Variants in PELI2 observed in about 807,000 individuals in gnomAD.
PELI2 encodes the protein pellino E3 ubiquitin protein ligase family member 2.
Under a neutral mutation model 42.3 loss-of-function variants are expected in PELI2, and 23 were observed. The ratio of observed to expected loss-of-function variants is 0.54; its 90% confidence interval spans 0.39 to 0.77. PELI2 has a LOEUF of 0.77. Ranked by LOEUF, PELI2 falls within the 30% of genes least tolerant of loss-of-function variation. The pLI is 0.00. For synonymous variants in PELI2, 245 were observed against 212.2 expected (o/e 1.15, Z -1.34); for missense variants, 463 against 553.2 (o/e 0.84, Z 1.64).
At chr14:56,237,492 T>G (rs1179005449) in intron 2 of PELI2, among the ~76,000 whole-genome samples, 1 of 152,044 alleles carries the variant, frequency 6.6e-6, no homozygotes, top group East Asian at 1.9e-4. Flanking sequence ...CTCCCCATTG[T>G]TTAATATTCT....
At chr14:56,249,281 C>A (rs1160802914) in intron 2 of PELI2, among the ~76,000 whole-genome samples, 3 of 152,148 alleles carry the variant, frequency 2.0e-5, no homozygotes, top group African/African-American at 7.2e-5. Context: ...GGCCCTGTGC[C>A]CTGGGCATTA....
chr14:56,240,628 A>G (rs1887939785), intron 2 of PELI2, among the ~76,000 whole-genome samples: 2 of 152,110 alleles, frequency 1.3e-5, no homozygotes, highest in South Asian at 2.1e-4. Flanking sequence ...GAGCAAGAGG[A>G]GATCTTTAAG....
chr14:56,221,703 A>G (rs950239456), intron 2 of PELI2, among the ~76,000 whole-genome samples: 3 of 152,248 alleles, frequency 2.0e-5, no homozygotes, highest in Non-Finnish European at 4.4e-5. Context: ...GCTGTCTGAA[A>G]CCATCGGTGA....
intron 2 of PELI2, among the ~76,000 whole-genome samples, chr14:56,191,081 T>C (rs922053962): frequency 4.6e-5 from 7 of 152,174 alleles, no homozygotes. Context: ...TCTGTGGTGT[T>C]CTCTAGTGTG....
chr14:56,152,548 A>G (rs1884402553), intron 1 of PELI2, among the ~76,000 whole-genome samples: 1 of 152,070 alleles, frequency 6.6e-6, no homozygotes, highest in Non-Finnish European at 1.5e-5. Context: ...ACTTACTATA[A>G]TTATTGAAGG....
chr14:56,193,469 T>C (rs938628522), intron 2 of PELI2, among the ~76,000 whole-genome samples: 6 of 152,142 alleles, frequency 3.9e-5, no homozygotes, highest in Non-Finnish European at 8.8e-5. Context: ...ACAGAAGGAA[T>C]AGCAGAGATT....
intron 2 of PELI2, among the ~76,000 whole-genome samples, chr14:56,201,123 A>G (rs1886316708): frequency 8.0e-6 from 1 of 124,846 alleles, no homozygotes; most frequent in Non-Finnish European, 1.9e-5. Flanking sequence ...ATGTGGCTCC[A>G]GATAAATGTT....
chr14:56,233,407 A>T (rs1319256732), intron 2 of PELI2, among the ~76,000 whole-genome samples: 1 of 152,168 alleles, frequency 6.6e-6, no homozygotes, highest in Non-Finnish European at 1.5e-5. Context: ...CAAAACAGAG[A>T]TATAGACCAA....
At chr14:56,265,626 A>G (rs1888873662) in intron 2 of PELI2, among the ~76,000 whole-genome samples, 2 of 152,124 alleles carry the variant, frequency 1.3e-5, no homozygotes, top group African/African-American at 4.8e-5. Context: ...TTAAGAACTT[A>G]CGCCTTTGGA....
intron 4 of PELI2, among the ~76,000 whole-genome samples, chr14:56,289,622 C>T (rs1050033134): frequency 1.3e-5 from 2 of 152,078 alleles, no homozygotes; most frequent in Non-Finnish European, 2.9e-5. Flanking sequence ...CCCCAACCCC[C>T]GCCCCAGCCA....
intron 1 of PELI2, among the ~76,000 whole-genome samples, chr14:56,134,527 T>A (rs544432278): frequency 2.6e-5 from 4 of 152,314 alleles, no homozygotes; most frequent in Admixed American, 2.6e-4. Context: ...TTAGAGAACT[T>A]TGTGCTTATA....
intron 2 of PELI2, among the ~76,000 whole-genome samples, chr14:56,271,137 C>T (rs1889090865): frequency 6.6e-6 from 1 of 152,176 alleles, no homozygotes; most frequent in Non-Finnish European, 1.5e-5. Context: ...CCCTCTAGTC[C>T]TCACCCTGCT....
chr14:56,228,861 G>A lies in PELI2; in HGVS notation c.207+50397G>A, dbSNP rs187053464. Among the ~76,000 whole-genome samples the A allele has an allele frequency of 6.0e-3, 910 of 152,328 alleles. 9 individuals carry two copies. The highest frequency in any genetic ancestry group is 0.021 in the African/African-American group (853 of 41,574). On this transcript the variant is annotated intron_variant, in intron 2 of 5. Coordinates refer to ENST00000267460, the MANE Select transcript of PELI2 (RefSeq NM_021255.3). ...TTCCCTTTCCTAGCCAAGGGAAGCCGTCACAGACGGTACCTGGAAAATCGG... is the reference window on the plus strand; with the variant it reads ...TTCCCTTTCCTAGCCAAGGGAAGCCATCACAGACGGTACCTGGAAAATCGG...
At chr14:56,184,547 A>T (rs547028605) in intron 2 of PELI2, among the ~76,000 whole-genome samples, 1 of 152,086 alleles carries the variant, frequency 6.6e-6, no homozygotes, top group African/African-American at 2.4e-5. Context: ...CATAGATTGA[A>T]GGCAAACAAA....
chr14:56,173,921 A>G (rs1287195606), intron 1 of PELI2, among the ~76,000 whole-genome samples: 3 of 152,166 alleles, frequency 2.0e-5, no homozygotes, highest in Non-Finnish European at 4.4e-5. Context: ...TTTTCTTTTG[A>G]GACTGAGTCT....
chr14:56,131,226 A>G (rs76334856), intron 1 of PELI2, among the ~76,000 whole-genome samples: 59 of 152,292 alleles, frequency 3.9e-4, no homozygotes, highest in Non-Finnish European at 6.3e-4. Flanking sequence ...TGCTTATTGT[A>G]TTAGCTTAGA....
At chr14:56,280,800 C>T (rs149766251) in intron 3 of PELI2, among the ~76,000 whole-genome samples, 5 of 151,992 alleles carry the variant, frequency 3.3e-5, no homozygotes, top group Non-Finnish European at 7.4e-5. Context: ...AATTAGAAGT[C>T]GAACTAGAGA....
At chr14:56,138,107 G>A (rs994942784) in intron 1 of PELI2, among the ~76,000 whole-genome samples, 3 of 152,208 alleles carry the variant, frequency 2.0e-5, no homozygotes, top group African/African-American at 4.8e-5. Flanking sequence ...GCCCGCTCTC[G>A]CTGCACCGGC....
intron 1 of PELI2, among the ~76,000 whole-genome samples, chr14:56,137,636 A>T (rs1475882092): frequency 1.3e-5 from 2 of 152,232 alleles, no homozygotes; most frequent in Non-Finnish European, 2.9e-5. Flanking sequence ...CAATATAGTT[A>T]TGAAAAAACA....
Sources: gnomAD v4.1 joint callset for allele counts (sites outside exome capture counted in the v4.1 genomes callset) on GRCh38, gnomAD v4.1.1 for gene constraint, MANE v1.5 for transcripts, NCBI Gene and HGNC (gene_info 2026-07-23, HGNC 2026-07-21) for gene names.